NAV3: variants seen among roughly 807,000 people sequenced by gnomAD.
NAV3 encodes neuron navigator 3.
Under a neutral mutation model 244.7 loss-of-function variants are expected in NAV3, and 87 were observed. That is an observed-to-expected ratio of 0.36 (90% CI 0.30 to 0.42). The LOEUF is 0.42. Among genes scored for constraint, NAV3 ranks in the 20% least tolerant of loss-of-function variants. The pLI is 1.00. For missense variants in NAV3, 2,663 were observed against 2,893.3 expected (o/e 0.92, Z 1.83); for synonymous variants, 1,126 against 1,042.2 (o/e 1.08, Z -1.55).
chr12:77,679,260 A>G (rs1874342194), intron 2 of NAV3, among the ~76,000 whole-genome samples: 1 of 152,190 alleles, frequency 6.6e-6, no homozygotes. Flanking sequence ...CTACTAGGGC[A>G]CTAACAGGTT....
intron 28 of NAV3, among the ~76,000 whole-genome samples, chr12:78,178,168 T>G (rs1017004791): frequency 4.0e-5 from 6 of 151,468 alleles, no homozygotes; most frequent in African/African-American, 1.5e-4. Context: ...GTGTTTTTTT[T>G]TTTTTTTTTG....
chr12:78,109,276 T>C (rs908448329), intron 12 of NAV3, among the ~76,000 whole-genome samples: 3 of 151,870 alleles, frequency 2.0e-5, no homozygotes, highest in African/African-American at 4.8e-5. Flanking sequence ...CCTGAACATA[T>C]CAGTAATGAT....
chr12:77,767,373 A>G (rs1869830347), intron 2 of NAV3, among the ~76,000 whole-genome samples: 1 of 152,172 alleles, frequency 6.6e-6, no homozygotes, highest in Admixed American at 6.5e-5. Context: ...GTGTTGCCTC[A>G]GCCTGAGTTT....
intron 29 of NAV3, among the ~76,000 whole-genome samples, chr12:78,180,113 T>C (rs1958436855): frequency 1.3e-5 from 2 of 152,162 alleles, no homozygotes; most frequent in Admixed American, 1.3e-4. Context: ...CAACACAAGC[T>C]TTCTGAATAC....
At chr12:77,818,433 A>T (rs1249277872) in intron 2 of NAV3, among the ~76,000 whole-genome samples, 1 of 152,156 alleles carries the variant, frequency 6.6e-6, no homozygotes, top group Non-Finnish European at 1.5e-5. Context: ...TTTATGGGAG[A>T]AGAATCCATC....
At chr12:78,039,312 G>A (rs1313720919) in intron 9 of NAV3, among the ~76,000 whole-genome samples, 1 of 152,062 alleles carries the variant, frequency 6.6e-6, no homozygotes, top group Non-Finnish European at 1.5e-5. Context: ...TAGTTTTTAG[G>A]TGGGGTTCCT....
At chr12:77,822,840 G>T (rs1872802747) in intron 2 of NAV3, among the ~76,000 whole-genome samples, 1 of 152,048 alleles carries the variant, frequency 6.6e-6, no homozygotes, top group Admixed American at 6.6e-5. Flanking sequence ...AAAAATGAAG[G>T]TTCTTAAGGT....
chr12:77,716,410 A>T (rs1876363816), intron 2 of NAV3, among the ~76,000 whole-genome samples: 1 of 151,910 alleles, frequency 6.6e-6, no homozygotes, highest in Non-Finnish European at 1.5e-5. Context: ...AATTATTAAA[A>T]ATAAATGGTA....
At chr12:77,931,640 G>A (rs548561382) in intron 1 of NAV3, among the ~76,000 whole-genome samples, 1 of 152,074 alleles carries the variant, frequency 6.6e-6, no homozygotes, top group East Asian at 1.9e-4. Context: ...GCCCAGGCAG[G>A]CGGATCACAA....
chr12:77,704,102 A>G (rs1875684422), intron 2 of NAV3, among the ~76,000 whole-genome samples: 1 of 152,208 alleles, frequency 6.6e-6, no homozygotes, highest in Admixed American at 6.5e-5. Context: ...GAGTAAACAC[A>G]TTTAAAAGGC....
intron 22 of NAV3, among the ~76,000 whole-genome samples, chr12:78,157,675 T>G (rs936308053): frequency 6.6e-6 from 1 of 152,098 alleles, no homozygotes; most frequent in Non-Finnish European, 1.5e-5. Flanking sequence ...CATTGAAAAT[T>G]TTTTAAACTA....
At chr12:77,590,557 C>T (rs1236838688) in intron 2 of NAV3, among the ~76,000 whole-genome samples, 5 of 152,086 alleles carry the variant, frequency 3.3e-5, no homozygotes, top group Non-Finnish European at 7.4e-5. Flanking sequence ...AAATAACTAA[C>T]GGGTACTAGG....
chr12:77,750,066 T>C (rs898430424), intron 2 of NAV3, among the ~76,000 whole-genome samples: 9 of 152,178 alleles, frequency 5.9e-5, no homozygotes, highest in African/African-American at 2.2e-4. Context: ...AAAGATAACC[T>C]CTGTTGGCTA....
intron 1 of NAV3, among the ~76,000 whole-genome samples, chr12:77,871,521 A>G (rs1366879949): frequency 6.6e-6 from 1 of 152,086 alleles, no homozygotes. Flanking sequence ...CTCACTTATG[A>G]GTGAGAACAT....
intron 5 of NAV3, among the ~76,000 whole-genome samples, chr12:77,983,133 T>A (rs954310690): frequency 9.2e-5 from 14 of 152,192 alleles, no homozygotes; most frequent in African/African-American, 3.4e-4. Context: ...AGCTGGGACT[T>A]ATTTGCTAAA....
At chr12:78,127,040 G>A (rs1565690891) in intron 16 of NAV3, 127 bp from the exon 17 acceptor site, 2 of 760,238 alleles carry the variant, frequency 2.6e-6, no homozygotes, top group Non-Finnish European at 4.2e-6. Context: ...CTTTTTCAAT[G>A]AGTTAAGCAT....
At chr12:78,061,753 A>G (rs1283980846) in intron 12 of NAV3, among the ~76,000 whole-genome samples, 1 of 152,064 alleles carries the variant, frequency 6.6e-6, no homozygotes, top group African/African-American at 2.4e-5. Context: ...AAATTCTGTT[A>G]TCCATTTCAA....
At chr12:77,764,847 T>C (rs767699161) in intron 2 of NAV3, among the ~76,000 whole-genome samples, 10 of 152,348 alleles carry the variant, frequency 6.6e-5, no homozygotes, top group East Asian at 3.9e-4. Flanking sequence ...TCTAGGTCAT[T>C]GTTTTGGAAA....
At chr12:78,116,440 T>G (rs1015133025) in intron 12 of NAV3, among the ~76,000 whole-genome samples, 1 of 152,172 alleles carries the variant, frequency 6.6e-6, no homozygotes, top group Non-Finnish European at 1.5e-5. Context: ...TGGTTGAATT[T>G]TTAAGGATAA....
Sources: gnomAD v4.1 joint callset for allele counts (sites outside exome capture counted in the v4.1 genomes callset) on GRCh38, gnomAD v4.1.1 for gene constraint, MANE v1.5 for transcripts, NCBI Gene and HGNC (gene_info 2026-07-23, HGNC 2026-07-21) for gene names.